BCKDHB: variants seen among roughly 807,000 people sequenced by gnomAD.
BCKDHB encodes the protein 2-oxoisovalerate dehydrogenase subunit beta, mitochondrial.
A neutral mutation model predicts 48.5 loss-of-function variants in BCKDHB; 41 were observed. The observed-to-expected ratio is 0.85, with a 90% CI of 0.66 to 1.10. The LOEUF (loss-of-function observed/expected upper bound fraction) is 1.10. Ranked by LOEUF, BCKDHB falls within the 50% of genes least tolerant of loss-of-function variation. The pLI is 0.00. For synonymous variants in BCKDHB, 201 were observed against 174.8 expected, an observed-to-expected ratio of 1.15 and a Z score of -1.18; for missense variants, 496 against 494.2, an observed-to-expected ratio of 1.00 and a Z score of -0.03.
At chr6:80,264,649 A>T (rs1247491042) in intron 8 of BCKDHB, among the ~76,000 whole-genome samples, 2 of 152,070 alleles carry the variant, frequency 1.3e-5, no homozygotes, top group African/African-American at 4.8e-5. Flanking sequence ...ATGTCAGGAA[A>T]ATTTTTCCCT....
chr6:80,312,229 C>G (rs1343849555), intron 9 of BCKDHB, among the ~76,000 whole-genome samples: 2 of 151,782 alleles, frequency 1.3e-5, no homozygotes, highest in South Asian at 4.2e-4. Context: ...TCTTGGCTTG[C>G]CTGTTGTTAG....
intron 8 of BCKDHB, among the ~76,000 whole-genome samples, chr6:80,206,662 C>T (rs770834716): frequency 2.0e-5 from 3 of 151,688 alleles, no homozygotes; most frequent in Non-Finnish European, 2.9e-5. Context: ...TATAACATAT[C>T]GGACTCAGTA....
chr6:80,391,196 T>TGTGTGTGTGTCTCC, the BCKDHB span, among the ~76,000 whole-genome samples: 1 of 151,932 alleles, frequency 6.6e-6, no homozygotes, highest in Non-Finnish European at 1.5e-5. Flanking sequence ...TGTGTGTGTG[T>TGTGTGTGTGTCTCC]GTCTCCTATT....
At chr6:80,342,837 C>T (rs2128019752) in intron 9 of BCKDHB, among the ~76,000 whole-genome samples, 1 of 151,904 alleles carries the variant, frequency 6.6e-6, no homozygotes, top group South Asian at 2.1e-4. Flanking sequence ...TTTTTTTTCT[C>T]CTGAAAATAA....
chr6:80,327,791 C>T (rs1171389136), intron 9 of BCKDHB, among the ~76,000 whole-genome samples: 4 of 152,092 alleles, frequency 2.6e-5, no homozygotes, highest in Non-Finnish European at 1.5e-5. Context: ...CCCCCTTCAG[C>T]ATTTATTCAG....
At chr6:80,342,383 T>G (rs2128019098) in intron 9 of BCKDHB, among the ~76,000 whole-genome samples, 1 of 151,948 alleles carries the variant, frequency 6.6e-6, no homozygotes, top group Middle Eastern at 3.4e-3. Context: ...TTCCTTAGAA[T>G]AGTTTAATCA....
chr6:80,374,214 A>G, the BCKDHB span: 5 of 733,878 alleles, frequency 6.8e-6, no homozygotes, highest in Non-Finnish European at 1.3e-5. Flanking sequence ...TGCTTTATTC[A>G]TTTGGATATG....
At chr6:80,419,904 C>A in the BCKDHB span, among the ~76,000 whole-genome samples, 12 of 152,082 alleles carry the variant, frequency 7.9e-5, no homozygotes, top group African/African-American at 2.7e-4. Flanking sequence ...TAATTCTTTC[C>A]TCTACTTGAT....
chr6:80,307,478 T>G (rs1767937760), intron 9 of BCKDHB: 2 of 985,164 alleles, frequency 2.0e-6, no homozygotes, highest in Non-Finnish European at 1.2e-6. Flanking sequence ...CTATTACATT[T>G]TTTTCAGATA....
chr6:80,310,774 T>A (rs912190391), intron 9 of BCKDHB, among the ~76,000 whole-genome samples: 1 of 152,180 alleles, frequency 6.6e-6, no homozygotes, highest in Non-Finnish European at 1.5e-5. Context: ...TTTTTTGATG[T>A]TTTAGTAGTA....
intron 3 of BCKDHB, among the ~76,000 whole-genome samples, chr6:80,148,840 A>G (rs1342812498): frequency 6.6e-6 from 1 of 152,138 alleles, no homozygotes; most frequent in Non-Finnish European, 1.5e-5. Context: ...AAAGACTTAA[A>G]TGTTAGACCT....
chr6:80,200,136 C>T (rs976393871), intron 6 of BCKDHB, among the ~76,000 whole-genome samples: 6 of 150,082 alleles, frequency 4.0e-5, no homozygotes, highest in Admixed American at 1.3e-4. Flanking sequence ...TTATCAACTT[C>T]GTACTCAATT....
intron 1 of BCKDHB, among the ~76,000 whole-genome samples, chr6:80,111,485 T>C (rs925289882): frequency 5.3e-5 from 8 of 152,196 alleles, no homozygotes; most frequent in Non-Finnish European, 8.8e-5. Flanking sequence ...CTTAATATAG[T>C]CCTTTATCCA....
the BCKDHB span, among the ~76,000 whole-genome samples, chr6:80,405,732 C>G: frequency 2.0e-5 from 3 of 152,032 alleles, no homozygotes; most frequent in African/African-American, 7.2e-5. Flanking sequence ...AGGAAGTTTA[C>G]ATAAAACATC....
At chr6:80,210,840 A>T (rs1035410841) in intron 8 of BCKDHB, among the ~76,000 whole-genome samples, 1 of 152,276 alleles carries the variant, frequency 6.6e-6, no homozygotes. Context: ...CAGGAGTAAG[A>T]ACAGTGGTTA....
the BCKDHB span, among the ~76,000 whole-genome samples, chr6:80,458,465 G>C: frequency 3.9e-5 from 6 of 152,354 alleles, no homozygotes; most frequent in East Asian, 1.2e-3. Context: ...TGTGAAGGCA[G>C]ACAGTGTGTA....
chr6:80,405,286 G>T, the BCKDHB span, among the ~76,000 whole-genome samples: 3 of 151,922 alleles, frequency 2.0e-5, no homozygotes, highest in Non-Finnish European at 2.9e-5. Flanking sequence ...ATTATTTAAT[G>T]ACTTTCTTTG....
intron 8 of BCKDHB, among the ~76,000 whole-genome samples, chr6:80,210,292 A>G (rs2127839963): frequency 6.6e-6 from 1 of 152,278 alleles, no homozygotes; most frequent in South Asian, 2.1e-4. Flanking sequence ...AATGTAATGG[A>G]ATAATGTATA....
intron 9 of BCKDHB, among the ~76,000 whole-genome samples, chr6:80,299,613 A>C (rs1274923486): frequency 6.6e-6 from 1 of 152,226 alleles, no homozygotes; most frequent in Non-Finnish European, 1.5e-5. Context: ...TGCCAAACTA[A>C]GCTTTATAAG....
Sources: gnomAD v4.1 joint callset for allele counts (sites outside exome capture counted in the v4.1 genomes callset) on GRCh38, gnomAD v4.1.1 for gene constraint, MANE v1.5 for transcripts, NCBI Gene and HGNC (gene_info 2026-07-23, HGNC 2026-07-21) for gene names.